Variants in SEMA3A observed in about 807,000 individuals in gnomAD.
SEMA3A encodes semaphorin-3A.
SEMA3A carries 29 observed loss-of-function variants against 97.9 expected under a neutral mutation model. The ratio of observed to expected loss-of-function variants is 0.30; its 90% CI spans 0.22 to 0.40. The LOEUF is 0.40. Among genes scored for constraint, SEMA3A ranks in the 10% least tolerant of loss-of-function variants. The pLI, the probability that SEMA3A is intolerant of heterozygous loss-of-function variation, is 1.00. For synonymous variants in SEMA3A, 321 were observed against 323.7 expected, an observed-to-expected ratio of 0.99 and a Z score of 0.09; for missense variants, 763 against 951.3, an observed-to-expected ratio of 0.80 and a Z score of 2.60.
intron 3 of SEMA3A, among the ~76,000 whole-genome samples, chr7:84,297,425 T>C (rs1260523263): frequency 6.6e-6 from 1 of 152,082 alleles, no homozygotes; most frequent in Admixed American, 6.6e-5. Flanking sequence ...CCAAACAGAA[T>C]TGTCCTTAAC....
chr7:84,056,708 C>T (rs1792996585), intron 5 of SEMA3A, among the ~76,000 whole-genome samples: 1 of 151,964 alleles, frequency 6.6e-6, no homozygotes, highest in African/African-American at 2.4e-5. Context: ...TATTGAGCAC[C>T]TTCTCTATAT....
chr7:84,069,421 TTG>T (rs1400667934), intron 4 of SEMA3A, among the ~76,000 whole-genome samples: 1 of 152,186 alleles, frequency 6.6e-6, no homozygotes, highest in African/African-American at 2.4e-5. Context: ...TTGTTTATAG[TTG>T]TTACAGTAAA....
chr7:84,066,041 A>G (rs1207383775), intron 4 of SEMA3A, among the ~76,000 whole-genome samples: 2 of 151,524 alleles, frequency 1.3e-5, no homozygotes, highest in African/African-American at 4.9e-5. Context: ...GGCAAACCGA[A>G]TCCAGCAGCA....
At chr7:84,233,192 T>A (rs1019702068) in intron 3 of SEMA3A, among the ~76,000 whole-genome samples, 1 of 152,006 alleles carries the variant, frequency 6.6e-6, no homozygotes, top group East Asian at 1.9e-4. Context: ...GTTAATACAT[T>A]CATTGGTTAA....
chr7:84,380,790 T>C (rs1803238672), intron 1 of SEMA3A, among the ~76,000 whole-genome samples: 1 of 152,190 alleles, frequency 6.6e-6, no homozygotes, highest in Admixed American at 6.5e-5. Context: ...CAAAGGCCTC[T>C]CTCTGGTCCA....
chr7:84,471,502 A>T (rs950228427), intron 1 of SEMA3A, among the ~76,000 whole-genome samples: 3 of 152,098 alleles, frequency 2.0e-5, no homozygotes, highest in African/African-American at 7.2e-5. Context: ...TGGCATAACT[A>T]AACACGTCTA....
chr7:84,270,238 C>A (rs1045167282), intron 3 of SEMA3A, among the ~76,000 whole-genome samples: 1 of 151,840 alleles, frequency 6.6e-6, no homozygotes, highest in Admixed American at 6.6e-5. Flanking sequence ...GAAATTTGTG[C>A]TTGGAATAAA....
intron 1 of SEMA3A, among the ~76,000 whole-genome samples, chr7:84,464,374 A>G (rs1180284779): frequency 6.6e-6 from 1 of 152,212 alleles, no homozygotes; most frequent in Non-Finnish European, 1.5e-5. Flanking sequence ...TGCTTTGAGG[A>G]GCTGACATTT....
chr7:84,296,713 C>T (rs975194549), intron 3 of SEMA3A, among the ~76,000 whole-genome samples: 18 of 152,232 alleles, frequency 1.2e-4, no homozygotes, highest in African/African-American at 4.3e-4. Context: ...CCTCCATACT[C>T]TTTGTGATAG....
intron 1 of SEMA3A, among the ~76,000 whole-genome samples, chr7:84,423,577 G>A (rs1003896896): frequency 8.6e-5 from 13 of 151,754 alleles, no homozygotes; most frequent in South Asian, 4.2e-4. Context: ...TTTTTTTGTC[G>A]AAATAGATAG....
chr7:83,966,212 T>C (rs2116268457), intron 15 of SEMA3A, among the ~76,000 whole-genome samples: 1 of 152,242 alleles, frequency 6.6e-6, no homozygotes, highest in South Asian at 2.1e-4. Flanking sequence ...ATTAAAAAAT[T>C]ATTTCATTTG....
At chr7:84,220,433 C>T (rs2116335579) in intron 3 of SEMA3A, among the ~76,000 whole-genome samples, 1 of 152,230 alleles carries the variant, frequency 6.6e-6, no homozygotes, top group African/African-American at 2.4e-5. Context: ...GAATTGTGAA[C>T]GTTCTTCATG....
At chr7:84,062,272 CTT>C (rs1261737794) in intron 4 of SEMA3A, among the ~76,000 whole-genome samples, 1 of 151,978 alleles carries the variant, frequency 6.6e-6, no homozygotes, top group East Asian at 1.9e-4. Flanking sequence ...AAATTACAAA[CTT>C]TTTCACAAAT....
At chr7:83,998,878 T>G (rs889502840) in intron 12 of SEMA3A, among the ~76,000 whole-genome samples, 2 of 152,170 alleles carry the variant, frequency 1.3e-5, no homozygotes, top group South Asian at 2.1e-4. Context: ...TCAATATCTG[T>G]GTCTTTCACC....
intron 2 of SEMA3A, among the ~76,000 whole-genome samples, chr7:84,337,905 A>C (rs946738254): frequency 9.2e-5 from 14 of 152,126 alleles, no homozygotes; most frequent in African/African-American, 3.4e-4. Flanking sequence ...GAGCAGTGCT[A>C]TATCTAGGAG....
At chr7:84,109,405 G>A (rs1197188839) in intron 4 of SEMA3A, among the ~76,000 whole-genome samples, 1 of 152,100 alleles carries the variant, frequency 6.6e-6, no homozygotes, top group Non-Finnish European at 1.5e-5. Flanking sequence ...TGAGATCTTG[G>A]GAATGTGTCT....
intron 7 of SEMA3A, among the ~76,000 whole-genome samples, chr7:84,011,573 C>A (rs955795934): frequency 2.0e-5 from 3 of 152,050 alleles, no homozygotes; most frequent in East Asian, 1.9e-4. Flanking sequence ...AATTCATGTT[C>A]ATCTACAGAT....
chr7:84,410,919 T>A (rs1804247580), intron 1 of SEMA3A, among the ~76,000 whole-genome samples: 1 of 152,156 alleles, frequency 6.6e-6, no homozygotes, highest in Non-Finnish European at 1.5e-5. Flanking sequence ...GTGACAACTA[T>A]TAGATAGAAC....
At position 84,351,538 on chromosome 7, in the gene SEMA3A, A is replaced by C. The variant is rs80017771; in HGVS notation, c.-169+20286T>G. Among the ~76,000 whole-genome samples the C allele has an allele frequency of 7.8e-4, 119 of 152,314 alleles. No individual in the cohort carries two copies. The East Asian group carries it at 0.019, about 24-fold the overall frequency. ...TTCAATAGGAAAAAAAAATCAAATA[A>C]TCAAATTCAAAAATGGATAAATATC... On this transcript the variant is annotated intron_variant, in intron 2 of 3. Transcript: ENST00000424555.
Sources: allele counts gnomAD v4.1 joint callset (sites outside exome capture counted in the v4.1 genomes callset), GRCh38; gene constraint gnomAD v4.1.1; transcripts MANE v1.5; gene names NCBI Gene and HGNC (gene_info 2026-07-23, HGNC 2026-07-21).